The following PTPRF variants were observed in gnomAD, a reference collection of about 807,000 sequenced individuals.
PTPRF encodes the protein receptor-type tyrosine-protein phosphatase F.
Under a neutral mutation model 201.8 loss-of-function variants are expected in PTPRF, and 59 were observed. The observed-to-expected ratio is 0.29, with a 90% CI of 0.24 to 0.36. The LOEUF (loss-of-function observed/expected upper bound fraction) is 0.36. Among genes scored for constraint, PTPRF ranks in the 10% least tolerant of loss-of-function variants. The pLI is 1.00. For synonymous variants in PTPRF, 1,088 were observed against 1,089.7 expected (o/e 1.00, Z 0.03); for missense variants, 2,132 against 2,690.5 (o/e 0.79, Z 4.59).
upstream of PTPRF, among the ~76,000 whole-genome samples, chr1:43,522,284 G>A (rs957924890): frequency 5.3e-5 from 8 of 152,192 alleles, no homozygotes; most frequent in African/African-American, 1.9e-4. Flanking sequence ...TGCCATAGGA[G>A]GAGCGGCGTC....
chr1:43,598,984 C>A, intron 13 of PTPRF, 71 bp downstream of exon 13: 1 of 1,493,584 alleles, frequency 6.7e-7, no homozygotes, highest in Non-Finnish European at 9.1e-7. Flanking sequence ...CTTTTGGGGC[C>A]CAGATATGTC....
intron 22 of PTPRF, chr1:43,612,828 G>T (rs1656790827): frequency 7.4e-7 from 1 of 1,356,068 alleles, no homozygotes; most frequent in Non-Finnish European, 9.9e-7. Context: ...CCGTGTTTGG[G>T]GGATACTTTG....
chr1:43,620,894 C>T lies in PTPRF; in HGVS notation c.5421C>T (p.Gly1807=), dbSNP rs557292785. 2.5e-5 allele frequency: 40 copies of T among 1,614,176 alleles called. No individual in the cohort carries two copies. The highest frequency in any genetic ancestry group is 1.9e-4 in the South Asian group (17 of 91,086). The change falls in exon 32 of 34, where the codon GGC becomes GGT. Residue 1807 remains glycine (G), a synonymous_variant. Transcript: ENST00000359947. ...AGTTCACAGACTGGCCAGAGCAGGG[C>T]GTGCCCAAGACAGGCGAGGGATTCA... ...QFQFTDWPEQ[G]VPKTGEGFID... is the part of the protein sequence containing the mutation.
At chr1:43,604,265 C>T in intron 16 of PTPRF, 76 bp downstream of exon 16, 1 of 1,452,604 alleles carries the variant, frequency 6.9e-7, no homozygotes, top group Non-Finnish European at 9.3e-7. Context: ...GAGCCACTGA[C>T]CTCTGGCGAC....
At position 43,591,303 on chromosome 1, in the gene PTPRF, C is replaced by T; in HGVS notation, c.1281C>T (p.Ala427=). 1 of 1,552,018 alleles carries T rather than the reference C, an allele frequency of 6.4e-7. No individual in the cohort carries two copies. The highest frequency in any genetic ancestry group is 8.7e-7 in the Non-Finnish European group (1 of 1,149,536). ...PRRVQARMLS[A]STMLVQWEPP... ...GCGTGCAGGCACGCATGCTGAGCGCCAGCACCATGCTGGTGCAGTGGGAGC... is the reference window on the plus strand; with the variant it reads ...GCGTGCAGGCACGCATGCTGAGCGCTAGCACCATGCTGGTGCAGTGGGAGC... Residue 427 remains alanine, a synonymous_variant, in exon 9 of 34, where the codon GCC becomes GCT. Coordinates refer to ENST00000359947, the MANE Select transcript of PTPRF (RefSeq NM_002840.5).
intron 19 of PTPRF, 84 bp downstream of exon 19, chr1:43,605,706 ACT>A (rs2154026011): frequency 7.7e-7 from 1 of 1,305,478 alleles, no homozygotes. Flanking sequence ...TGTCCCAGTG[ACT>A]CTCAGATTCA....
Position 43,618,769 on chromosome 1 carries a change from C to T in PTPRF, c.4491+20C>T. The T allele has an allele frequency of 3.1e-6, 5 of 1,588,886 alleles. No individual in the cohort carries two copies. Among genetic ancestry groups the T allele is most frequent in the Non-Finnish European group, 3.4e-6 (4 of 1,159,788 alleles). ...CACAAGGTATAGCCTTTCCCCAGTG[C>T]ATATCTCTTACCCAGACACTGTAAG... On this transcript the variant is annotated intron_variant, in intron 26 of 33. Transcript: ENST00000359947.
intron 1 of PTPRF, among the ~76,000 whole-genome samples, chr1:43,533,012 T>G (rs576833116): frequency 6.6e-6 from 1 of 152,246 alleles, no homozygotes. Context: ...CAGTCATCCT[T>G]GTGTATTTTT....
upstream of PTPRF, among the ~76,000 whole-genome samples, chr1:43,526,999 T>C (rs927190631): frequency 6.6e-6 from 1 of 152,168 alleles, no homozygotes; most frequent in African/African-American, 2.4e-5. Context: ...CCATGAGTGA[T>C]AGGGAAATCT....
chr1:43,570,335 G>C lies in PTPRF; in HGVS notation c.568+557G>C, dbSNP rs189144702. Among the ~76,000 whole-genome samples, 394 of 152,336 alleles carry C rather than the reference G, an allele frequency of 2.6e-3. 8 individuals carry two copies. Among genetic ancestry groups the C allele is most frequent in the Admixed American group, 0.024 (369 of 15,308 alleles). On this transcript the variant is annotated intron_variant, in intron 6 of 33. Transcript: ENST00000359947. The stretch of plus-strand genomic sequence containing the variant: ...CAAGGATGCCATCGTGCAGGAGGGA[G>C]GTGTCACCCCATTGATCGATCTGCC...
At chr1:43,612,900 A>G in intron 22 of PTPRF, 1 of 1,030,106 alleles carries the variant, frequency 9.7e-7, no homozygotes, top group Non-Finnish European at 1.4e-6. Flanking sequence ...CCTTCCTTGA[A>G]TTCTTCTCTC....
At chr1:43,581,941 G>A (rs1362664312) in intron 7 of PTPRF, among the ~76,000 whole-genome samples, 1 of 152,204 alleles carries the variant, frequency 6.6e-6, no homozygotes, top group Non-Finnish European at 1.5e-5. Flanking sequence ...AGCATCTCTA[G>A]CTCACTAGAT....
intron 7 of PTPRF, among the ~76,000 whole-genome samples, chr1:43,584,152 G>A (rs1648502718): frequency 6.6e-6 from 1 of 152,180 alleles, no homozygotes. Flanking sequence ...GCAGGGGCTA[G>A]TGGTCATTCA....
Position 43,554,857 on chromosome 1 carries a change from C to CTT in PTPRF, c.379+928_379+929dup, listed in dbSNP as rs1553174851. Among the ~76,000 whole-genome samples, 2 of 133,386 alleles carry CTT rather than the reference C, an allele frequency of 1.5e-5. No homozygotes were observed. Among genetic ancestry groups the CTT allele is most frequent in the Non-Finnish European group, 3.1e-5 (2 of 64,644 alleles). 87.5% of individuals were successfully genotyped at this position (133,386 alleles called of 152,430 possible). A position where few individuals can be genotyped will look rare whatever the true frequency, so the allele number is the denominator to read the frequency against. On this transcript the variant is annotated intron_variant, in intron 5 of 33. Transcript: ENST00000359947. The surrounding 1 kb of genome is among the most constrained non-coding windows in gnomAD (Gnocchi z 4.1). ...TTTTTTTTCTTTTCTTTCTTTCTTT[C>CTT]TTTTTTTTTTTTTGAGATGCAGTCT...
chr1:43,597,753 T>G lies in PTPRF; in HGVS notation c.1819T>G (p.Ser607Ala). 3.2e-6 allele frequency: 2 copies of G among 634,460 alleles called. No homozygotes were observed. The highest frequency in any genetic ancestry group is 2.5e-5 in the South Asian group (1 of 39,460). The allele number at this position is 634,460 out of a possible 1,614,324, so 39.3% of individuals were successfully genotyped here. Reference protein sequence around the residue: ...IEARTAQSTPSAPPQKVMCVS... With the variant: ...IEARTAQSTPAAPPQKVMCVS... Reference sequence around the variant, plus strand: ...CCCCCATTTGTCTTCCCCAGCCCCCTCCGCCCCTCCCCAGAAGGTGATGTG... The same window carrying G: ...CCCCCATTTGTCTTCCCCAGCCCCCGCCGCCCCTCCCCAGAAGGTGATGTG... Residue 607 changes from serine (S) to alanine (A), a missense_variant, in exon 12 of 34, where the codon TCC becomes GCC. Coordinates refer to ENST00000359947, the MANE Select transcript of PTPRF (RefSeq NM_002840.5).
Position 43,553,315 on chromosome 1 carries a change from G to A in PTPRF, c.92-177G>A, listed in dbSNP as rs1183195383. Among the ~76,000 whole-genome samples the A allele has an allele frequency of 6.6e-6, 1 of 152,174 alleles. No individual in the cohort carries two copies. Among genetic ancestry groups the A allele is most frequent in the African/African-American group, 2.4e-5 (1 of 41,430 alleles). ...GCACTCACCTCATATGCTTAACAGA[G>A]TTAAAAAATGTTAAACTCTCTGAAC... On this transcript the variant is annotated intron_variant, in intron 3 of 33. Coordinates refer to ENST00000359947, the MANE Select transcript of PTPRF (RefSeq NM_002840.5). The surrounding 1 kb of genome is among the most constrained non-coding windows in gnomAD (Gnocchi z 4.1).
At chr1:43,617,384 A>G (rs1291961970) in intron 23 of PTPRF, 61 bp from the exon 24 acceptor site, 6 of 1,604,360 alleles carry the variant, frequency 3.7e-6, no homozygotes. Flanking sequence ...GGTCCCCTGC[A>G]GGAGAAGCAG....
At chr1:43,583,628 G>T (rs1648327916) in intron 7 of PTPRF, among the ~76,000 whole-genome samples, 1 of 152,146 alleles carries the variant, frequency 6.6e-6, no homozygotes. Context: ...GTCCTGCAGT[G>T]TGTACCCTGT....
chr1:43,621,283 G>A lies in PTPRF; in HGVS notation c.5655+51G>A, dbSNP rs530594102. On this transcript the variant is annotated intron_variant, in intron 33 of 33. Coordinates refer to ENST00000359947, the MANE Select transcript of PTPRF (RefSeq NM_002840.5). ...AGGGCCTTGGCAGCAGCGCTGCTGG[G>A]AACCCTAGGCTTTAGCAACAGTTTG... The A allele has an allele frequency of 1.9e-6, 3 of 1,599,438 alleles. No individual in the cohort carries two copies. The African/African-American group carries it at 4.0e-5, about 21-fold the overall frequency.
Sources: allele counts gnomAD v4.1 joint callset (sites outside exome capture counted in the v4.1 genomes callset), GRCh38; gene constraint gnomAD v4.1.1; non-coding constraint Gnocchi (gnomAD v3.1); transcripts MANE v1.5; gene names NCBI Gene and HGNC (gene_info 2026-07-23, HGNC 2026-07-21).